Variants in SPTLC3 observed in about 807,000 individuals in gnomAD.
The protein encoded by SPTLC3 is serine palmitoyltransferase 3.
In SPTLC3, 36 loss-of-function variants were observed where a neutral mutation model predicts 59.3. The observed-to-expected ratio is 0.61, with a 90% CI of 0.47 to 0.80. The LOEUF (loss-of-function observed/expected upper bound fraction) is 0.80. SPTLC3 is among the 30% of genes least tolerant of loss of function. SPTLC3 has a pLI of 0.00. For synonymous variants in SPTLC3, 257 were observed against 240.8 expected, an observed-to-expected ratio of 1.07 and a Z score of -0.62; for missense variants, 625 against 685.1, an observed-to-expected ratio of 0.91 and a Z score of 0.98.
chr20:13,151,894 C>T (rs2038656888), intron 9 of SPTLC3, among the ~76,000 whole-genome samples: 1 of 152,000 alleles, frequency 6.6e-6, no homozygotes, highest in Admixed American at 6.6e-5. Context: ...TCCAACCTAG[C>T]GATATCCTAT....
chr20:13,080,231 C>T lies in SPTLC3; in HGVS notation c.607+5734C>T, dbSNP rs1988791012. 3.3e-5 allele frequency among the ~76,000 whole-genome samples: 5 copies of T among 151,890 alleles called. No individual in the cohort carries two copies. The South Asian group carries it at 1.0e-3, about 32-fold the overall frequency. ...AGGTTCAAAACAGGCAAAACTTGGCCAGGTGCGGTGACTCATGCCTGTAAT... is the reference window on the plus strand; with the variant it reads ...AGGTTCAAAACAGGCAAAACTTGGCTAGGTGCGGTGACTCATGCCTGTAAT... On this transcript the variant is annotated intron_variant, in intron 4 of 11. Coordinates refer to ENST00000399002, the MANE Select transcript of SPTLC3 (RefSeq NM_018327.4).
At position 13,037,411 on chromosome 20, in the gene SPTLC3, T is replaced by A. The variant is rs142744142; in HGVS notation, c.118-11534T>A. Among the ~76,000 whole-genome samples the A allele has an allele frequency of 7.4e-3, 1,124 of 152,298 alleles. 14 individuals are homozygous for A. Among genetic ancestry groups the A allele is most frequent in the African/African-American group, 0.024 (996 of 41,564 alleles). On this transcript the variant is annotated intron_variant, in intron 1 of 11. Coordinates refer to ENST00000399002, the MANE Select transcript of SPTLC3 (RefSeq NM_018327.4). ...TAGACAATCAACAGTCTGCATCGCA[T>A]AACAAACCCCACCAGATGATCTGTT...
intron 1 of SPTLC3, among the ~76,000 whole-genome samples, chr20:13,037,438 G>C (rs1418359359): frequency 6.6e-6 from 1 of 152,196 alleles, no homozygotes; most frequent in Non-Finnish European, 1.5e-5. Flanking sequence ...TGATCTGTTT[G>C]AAAGGAGAAT....
intron 9 of SPTLC3, among the ~76,000 whole-genome samples, chr20:13,132,171 ATTTTT>A (rs35718222): frequency 1.2e-4 from 13 of 104,004 alleles, no homozygotes; most frequent in Non-Finnish European, 2.2e-4. Context: ...CCTTGCTTTA[ATTTTT>A]TTTTTTTTTT....
intron 1 of SPTLC3, among the ~76,000 whole-genome samples, chr20:13,035,473 A>G (rs1163536228): frequency 6.6e-6 from 1 of 152,172 alleles, no homozygotes; most frequent in Non-Finnish European, 1.5e-5. Flanking sequence ...TTGTTTTATT[A>G]CAGAGTCTGC....
intron 4 of SPTLC3, among the ~76,000 whole-genome samples, chr20:13,085,857 G>A (rs1988989159): frequency 6.6e-6 from 1 of 152,136 alleles, no homozygotes; most frequent in Admixed American, 6.6e-5. Context: ...TTAGAGAGCT[G>A]ACAAGAGGAT....
intron 6 of SPTLC3, among the ~76,000 whole-genome samples, chr20:13,097,629 G>A (rs562964108): frequency 3.9e-5 from 6 of 152,254 alleles, no homozygotes; most frequent in African/African-American, 1.2e-4. Context: ...AGGGGCAGAT[G>A]GACCCTGTGT....
chr20:13,145,388 T>G (rs1038112387), intron 9 of SPTLC3, among the ~76,000 whole-genome samples: 2 of 152,038 alleles, frequency 1.3e-5, no homozygotes, highest in African/African-American at 4.8e-5. Flanking sequence ...CCATTCACAA[T>G]TGCCACAAAA....
At chr20:13,075,024 G>A (rs1049924479) in intron 4 of SPTLC3, among the ~76,000 whole-genome samples, 1 of 151,884 alleles carries the variant, frequency 6.6e-6, no homozygotes, top group Non-Finnish European at 1.5e-5. Context: ...CTGTGAGAAG[G>A]AAACCCACTC....
At chr20:13,044,782 A>G (rs1468528845) in intron 1 of SPTLC3, among the ~76,000 whole-genome samples, 1 of 152,120 alleles carries the variant, frequency 6.6e-6, no homozygotes, top group Non-Finnish European at 1.5e-5. Flanking sequence ...TCGAAAAATT[A>G]AGTGACTTTC....
chr20:13,051,127 C>T (rs1399561752), intron 2 of SPTLC3: 1 of 152,194 alleles, frequency 6.6e-6, no homozygotes, highest in East Asian at 1.9e-4. Context: ...CCTAAATGAT[C>T]CACTTAAAAG....
intron 4 of SPTLC3, among the ~76,000 whole-genome samples, chr20:13,082,888 C>T (rs1988886504): frequency 6.6e-6 from 1 of 152,060 alleles, no homozygotes. Context: ...GTGATATCAA[C>T]TTGAAGAAGA....
chr20:13,116,218 T>G (rs1274009926), intron 7 of SPTLC3, among the ~76,000 whole-genome samples: 1 of 152,192 alleles, frequency 6.6e-6, no homozygotes, highest in Non-Finnish European at 1.5e-5. Flanking sequence ...CTTAAGCTTA[T>G]TTTTTAATAC....
In SPTLC3 at chr20:13,108,554, T is replaced by C. The variant is rs138438856; in HGVS notation, c.827-1558T>C. Among the ~76,000 whole-genome samples the C allele has an allele frequency of 5.1e-3, 773 of 152,300 alleles. 4 individuals carry two copies. The highest frequency in any genetic ancestry group is 0.018 in the African/African-American group (734 of 41,568). The stretch of plus-strand genomic sequence containing the variant: ...TGTCTGTAGTGGTCAAAACCAGTAC[T>C]GACTATGCAGCTTTAGATTTATCTT... On this transcript the variant is annotated intron_variant, in intron 6 of 11. Coordinates refer to ENST00000399002, the MANE Select transcript of SPTLC3 (RefSeq NM_018327.4).
chr20:13,073,970 C>A, intron 3 of SPTLC3: 1 of 596,210 alleles, frequency 1.7e-6, no homozygotes. Flanking sequence ...TTACCAACTC[C>A]TGGTATATCC....
At chr20:13,077,466 C>T (rs1988687784) in intron 4 of SPTLC3, among the ~76,000 whole-genome samples, 1 of 151,924 alleles carries the variant, frequency 6.6e-6, no homozygotes, top group African/African-American at 2.4e-5. Flanking sequence ...ACATAAAAAT[C>T]TACTATATAT....
chr20:13,153,133 A>C (rs1044107548), intron 9 of SPTLC3, among the ~76,000 whole-genome samples: 1 of 152,324 alleles, frequency 6.6e-6, no homozygotes, highest in East Asian at 1.9e-4. Context: ...AATCCTATTC[A>C]TTCTTATTGA....
chr20:13,097,793 A>T (rs1989472190), intron 6 of SPTLC3, among the ~76,000 whole-genome samples: 2 of 152,170 alleles, frequency 1.3e-5, no homozygotes, highest in African/African-American at 4.8e-5. Context: ...ACCATAAGAG[A>T]CAGTGAAAGG....
At chr20:13,029,978 A>G (rs1343290451) in intron 1 of SPTLC3, among the ~76,000 whole-genome samples, 2 of 152,148 alleles carry the variant, frequency 1.3e-5, no homozygotes, top group Non-Finnish European at 2.9e-5. Flanking sequence ...GGGGACAGGA[A>G]ATTTTGGGTG....
Sources: gnomAD v4.1 joint callset for allele counts (sites outside exome capture counted in the v4.1 genomes callset) on GRCh38, gnomAD v4.1.1 for gene constraint, MANE v1.5 for transcripts, NCBI Gene and HGNC (gene_info 2026-07-23, HGNC 2026-07-21) for gene names.